TRIB2: variants seen among roughly 807,000 people sequenced by gnomAD.
The protein encoded by TRIB2 is tribbles pseudokinase 2.
In TRIB2, 2 loss-of-function variants were observed where a neutral mutation model predicts 26.8. The observed-to-expected ratio is 0.07, with a 90% confidence interval of 0.03 to 0.24. The LOEUF (loss-of-function observed/expected upper bound fraction) is 0.24. Ranked by LOEUF, TRIB2 falls within the 10% of genes least tolerant of loss-of-function variation. The pLI, the probability that TRIB2 is intolerant of heterozygous loss-of-function variation, is 1.00. For missense variants in TRIB2, 306 were observed against 449.0 expected, an observed-to-expected ratio of 0.68 and a Z score of 2.88; for synonymous variants, 189 against 187.3, an observed-to-expected ratio of 1.01 and a Z score of -0.08.
intron 2 of TRIB2, among the ~76,000 whole-genome samples, chr2:12,733,550 T>G (rs1171506113): frequency 1.3e-5 from 2 of 152,210 alleles, no homozygotes; most frequent in Non-Finnish European, 2.9e-5. Context: ...GTAGCATGCA[T>G]ATATCATACT....
intron 1 of TRIB2, among the ~76,000 whole-genome samples, chr2:12,719,697 A>C (rs772786125): frequency 2.0e-5 from 3 of 151,592 alleles, no homozygotes; most frequent in Non-Finnish European, 4.4e-5. Context: ...ACCACAGACT[A>C]CTTTGCGGAC....
At chr2:12,719,649 G>A (rs1343975758) in intron 1 of TRIB2, among the ~76,000 whole-genome samples, 4 of 150,236 alleles carry the variant, frequency 2.7e-5, no homozygotes, top group Admixed American at 2.7e-4. Context: ...CACTGGGCAC[G>A]GTTGTGCTGC....
In TRIB2 at chr2:12,723,389, T is replaced by A; in HGVS notation, c.400T>A (p.Tyr134Asn). The A allele has an allele frequency of 1.2e-6, 2 of 1,614,244 alleles. No homozygotes were observed. The highest frequency in any genetic ancestry group is 1.7e-6 in the Non-Finnish European group (2 of 1,180,044). ...TKAYVFFERS[Y>N]GDMHSFVRTC... ...AGCCTATGTGTTCTTTGAGCGAAGCTATGGGGACATGCATTCCTTCGTCCG... is the reference window on the plus strand; with the variant it reads ...AGCCTATGTGTTCTTTGAGCGAAGCAATGGGGACATGCATTCCTTCGTCCG... The change falls in exon 2 of 3, where the codon TAT (tyrosine) becomes AAT (asparagine). Residue 134 changes from tyrosine to asparagine, a missense_variant. Physicochemically the swap from Tyr to Asn is moderately radical, Grantham distance 143 (BLOSUM62 -2). Around this residue, in one of 4 missense-constraint regions of TRIB2, gnomAD observed 118 missense variants for 188.8 expected, o/e 0.63. Transcript: ENST00000155926.
At chr2:12,734,165 C>T (rs1661520338) in intron 2 of TRIB2, among the ~76,000 whole-genome samples, 1 of 152,222 alleles carries the variant, frequency 6.6e-6, no homozygotes. Context: ...CAATCCTGCC[C>T]CAGGCTGGTG....
intron 1 of TRIB2, among the ~76,000 whole-genome samples, chr2:12,722,496 G>T (rs1661242289): frequency 6.6e-6 from 1 of 152,214 alleles, no homozygotes; most frequent in Admixed American, 6.5e-5. Context: ...GTTTCAAAAG[G>T]TATTGATGGT....
chr2:12,731,991 C>T (rs1661468765), intron 2 of TRIB2, among the ~76,000 whole-genome samples: 1 of 152,194 alleles, frequency 6.6e-6, no homozygotes, highest in Admixed American at 6.5e-5. Context: ...CTGAAAGTCT[C>T]AATGCAGGGA....
intron 2 of TRIB2, among the ~76,000 whole-genome samples, chr2:12,737,184 A>G (rs1455567317): frequency 1.3e-5 from 2 of 152,314 alleles, no homozygotes; most frequent in East Asian, 3.9e-4. Flanking sequence ...GGGCAGACGA[A>G]CCTGGGCAAA....
rs73914130 is a variant in TRIB2, at chr2:12,727,603, G to A, written c.563+4051G>A. On this transcript the variant is annotated intron_variant, in intron 2 of 2. Coordinates refer to ENST00000155926, the MANE Select transcript of TRIB2 (RefSeq NM_021643.4). ...AGGGAGTGGAGGATCATACCCCACC[G>A]TGCCTGAATCAGCTTCTGTGTTGCA... Among the ~76,000 whole-genome samples the A allele has an allele frequency of 3.1e-3, 472 of 152,290 alleles. 3 individuals carry two copies. Among genetic ancestry groups the A allele is most frequent in the African/African-American group, 0.011 (454 of 41,558 alleles).
At chr2:12,720,376 A>C (rs1467921419) in intron 1 of TRIB2, among the ~76,000 whole-genome samples, 2 of 152,238 alleles carry the variant, frequency 1.3e-5, no homozygotes, top group African/African-American at 4.8e-5. Flanking sequence ...GTGCAGTATC[A>C]TTGTTCTGCT....
Position 12,732,499 on chromosome 2 carries a change from C to T in TRIB2, c.564-7827C>T, listed in dbSNP as rs533323916. 1.4e-4 allele frequency among the ~76,000 whole-genome samples: 21 copies of T among 152,328 alleles called. No individual in the cohort carries two copies. The highest frequency in any genetic ancestry group is 2.9e-4 in the Non-Finnish European group (20 of 68,022). On this transcript the variant is annotated intron_variant, in intron 2 of 2. Coordinates refer to ENST00000155926, the MANE Select transcript of TRIB2 (RefSeq NM_021643.4). The surrounding 1 kb of genome is among the most constrained non-coding windows in gnomAD (Gnocchi z 4.2). ...CCACGATGCCCTGAGATGCTTCCCC[C>T]GTGGCTCACCTGTTGCTCTCCCTGC...
At position 12,740,383 on chromosome 2, in the gene TRIB2, T is replaced by G; in HGVS notation, c.621T>G (p.Asp207Glu). 1 of 1,614,126 alleles carries G rather than the reference T, an allele frequency of 6.2e-7. No individual in the cohort carries two copies. The highest frequency in any genetic ancestry group is 8.5e-7 in the Non-Finnish European group (1 of 1,180,016). Residue 207 changes from aspartate (D) to glutamate (E), a missense_variant, in exon 3 of 3, where the codon GAT (aspartate) becomes GAG (glutamate). Asp to Glu is a conservative substitution (Grantham distance 45). Transcript: ENST00000155926. This position sits in a 1 kb window ranked among gnomAD's most constrained non-coding sequence, Gnocchi z 5.8. ...CCTACATTCTGCGGGGAGATGATGATTCCCTCTCCGACAAGCATGGCTGCC... is the reference window on the plus strand; with the variant it reads ...CCTACATTCTGCGGGGAGATGATGAGTCCCTCTCCGACAAGCATGGCTGCC... Reference protein sequence around the residue: ...EDAYILRGDDDSLSDKHGCPA... With the variant: ...EDAYILRGDDESLSDKHGCPA...
Position 12,718,621 on chromosome 2 carries a change from AG to A in TRIB2, c.270+47del, listed in dbSNP as rs765789999. 6.3e-7 allele frequency: 1 copy of A among 1,591,576 alleles called. No homozygotes were observed. Among genetic ancestry groups the A allele is most frequent in the Non-Finnish European group, 8.6e-7 (1 of 1,164,874 alleles). On this transcript the variant is annotated intron_variant, in intron 1 of 2. Coordinates refer to ENST00000155926, the MANE Select transcript of TRIB2 (RefSeq NM_021643.4). This position sits in a 1 kb window ranked among gnomAD's most constrained non-coding sequence, Gnocchi z 4.0. ...GCTTTTTGTCTTTGGAAGGGGCCCG[AG>A]GGAGCGGGAGGGCGCCAGGCCCTCG...
At position 12,718,448 on chromosome 2, in the gene TRIB2, C is replaced by G. The variant is rs373415131; in HGVS notation, c.141C>G (p.Ser47Arg). 2.5e-5 allele frequency: 41 copies of G among 1,614,112 alleles called. No individual in the cohort carries two copies. The highest frequency in any genetic ancestry group is 2.9e-5 in the Non-Finnish European group (34 of 1,180,050). The change falls in exon 1 of 3, where the codon AGC becomes AGG. Residue 47 changes from serine to arginine, a missense_variant. Physicochemically the swap from Ser to Arg is moderately radical, Grantham distance 110. Transcript: ENST00000155926. The surrounding 1 kb of genome is among the most constrained non-coding windows in gnomAD (Gnocchi z 4.0). ...QSFSPNLGSP[S>R]PPETPNLSHC... Reference sequence around the variant, plus strand: ...TCAGCCCGAACCTCGGCTCCCCGAGCCCGCCCGAGACTCCGAACTTGTCGC... The same window carrying G: ...TCAGCCCGAACCTCGGCTCCCCGAGGCCGCCCGAGACTCCGAACTTGTCGC...
intron 2 of TRIB2, among the ~76,000 whole-genome samples, chr2:12,735,347 G>A (rs1661545243): frequency 6.6e-6 from 1 of 152,086 alleles, no homozygotes; most frequent in Admixed American, 6.5e-5. Context: ...GAAAGAGCAG[G>A]CTCCTGCCCC....
intron 2 of TRIB2, among the ~76,000 whole-genome samples, chr2:12,728,119 T>C (rs1157871135): frequency 6.6e-6 from 1 of 152,106 alleles, no homozygotes; most frequent in African/African-American, 2.4e-5. Flanking sequence ...TTTTTAGGAA[T>C]GGACCTTGAA....
intron 2 of TRIB2, chr2:12,724,922 A>G (rs2288191): frequency 2.7e-6 from 4 of 1,467,312 alleles, no homozygotes; most frequent in Non-Finnish European, 3.6e-6. Flanking sequence ...TGGAGATTTA[A>G]TAACTGCACC....
chr2:12,725,802 T>C (rs145922987), intron 2 of TRIB2, among the ~76,000 whole-genome samples: 465 of 152,362 alleles, frequency 3.1e-3, no homozygotes, highest in African/African-American at 0.011. Context: ...TAAAGGACTG[T>C]AGGGAGCTGG....
Position 12,717,561 on chromosome 2 carries a change from G to A in TRIB2, c.-747G>A. On this transcript the variant is annotated 5_prime_UTR_variant, in exon 1 of 3. Transcript: ENST00000155926. This position sits in a 1 kb window ranked among gnomAD's most constrained non-coding sequence, Gnocchi z 4.8. Reference sequence around the variant, plus strand: ...CTGTGCCCAGCTTTTGCAATCTTTTGTTGGCAGCGCTGACCGCACCAAGTT... The same window carrying A: ...CTGTGCCCAGCTTTTGCAATCTTTTATTGGCAGCGCTGACCGCACCAAGTT... 2.5e-6 allele frequency: 1 copy of A among 398,216 alleles called. No homozygotes were observed. Among genetic ancestry groups the A allele is most frequent in the Non-Finnish European group, 4.4e-6 (1 of 225,790 alleles). 24.7% of individuals were successfully genotyped at this position (398,216 alleles called of 1,614,324 possible).
rs1479905912 is a variant in TRIB2 at position 12,732,895 on chromosome 2, T to C, written c.564-7431T>C. On this transcript the variant is annotated intron_variant, in intron 2 of 2. Coordinates refer to ENST00000155926, the MANE Select transcript of TRIB2 (RefSeq NM_021643.4). This position sits in a 1 kb window ranked among gnomAD's most constrained non-coding sequence, Gnocchi z 4.2. ...GACCCTTAAGCCTATCTGGACCGCC[T>C]GACTGGACGGCCTTCAGTGACTTCT... 6.6e-6 allele frequency among the ~76,000 whole-genome samples: 1 copy of C among 152,204 alleles called. No individual in the cohort carries two copies. Among genetic ancestry groups the C allele is most frequent in the Non-Finnish European group, 1.5e-5 (1 of 68,034 alleles).
Sources: allele counts gnomAD v4.1 joint callset (sites outside exome capture counted in the v4.1 genomes callset), GRCh38; gene constraint gnomAD v4.1.1; regional missense constraint gnomAD v4.1.1; non-coding constraint Gnocchi (gnomAD v3.1); transcripts MANE v1.5; gene names NCBI Gene and HGNC (gene_info 2026-07-23, HGNC 2026-07-21).